CYP51A1: variants seen among roughly 807,000 people sequenced by gnomAD.
CYP51A1 encodes the protein lanosterol 14-alpha demethylase.
In CYP51A1, 45 loss-of-function variants were observed where a neutral mutation model predicts 53.5. The observed-to-expected ratio is 0.84, with a 90% CI of 0.66 to 1.08. The LOEUF is 1.08. Among genes scored for constraint, CYP51A1 ranks in the 50% least tolerant of loss-of-function variants. The pLI is 0.00. For synonymous variants in CYP51A1, 181 were observed against 217.7 expected (o/e 0.83, Z 1.48); for missense variants, 462 against 621.7 (o/e 0.74, Z 2.73).
rs755026542 is a variant in CYP51A1 at position 92,128,894 on chromosome 7, C to T, written c.454G>A (p.Asp152Asn). The T allele has an allele frequency of 8.1e-6, 13 of 1,611,232 alleles. No individual in the cohort carries two copies. Among genetic ancestry groups the T allele is most frequent in the Admixed American group, 5.0e-5 (3 of 59,924 alleles). The change falls in exon 3 of 10, where the codon GAT becomes AAT. Residue 152 changes from aspartate (D) to asparagine (N), a missense_variant. Transcript: ENST00000003100. Reference sequence around the variant, plus strand: ...GTGTCACCTACTGGATTAGGCACATCGTATGCAACTCCCTTCCCAAACACA... The same window carrying T: ...GTGTCACCTACTGGATTAGGCACATTGTATGCAACTCCCTTCCCAAACACA... Reference protein sequence around the residue: ...TPVFGKGVAYDVPNPVFLEQK... With the variant: ...TPVFGKGVAYNVPNPVFLEQK...
chr7:92,129,128 C>A (rs2130955246), intron 2 of CYP51A1, 72 bp from the exon 3 acceptor site: 1 of 952,258 alleles, frequency 1.1e-6, no homozygotes, highest in East Asian at 2.8e-5. Flanking sequence ...TTTTTAAAAT[C>A]ACAAAATAAT....
At chr7:92,134,803 T>G, upstream of CYP51A1, 1 of 170,006 alleles carries the variant, frequency 5.9e-6, no homozygotes, top group Non-Finnish European at 1.3e-5. Context: ...GCGCGCTCTG[T>G]GATTGCACCG....
At chr7:92,127,474 T>C (rs1324315451) in intron 4 of CYP51A1, 31 bp downstream of exon 4, 2 of 1,592,680 alleles carry the variant, frequency 1.3e-6, no homozygotes, top group Non-Finnish European at 1.7e-6. Flanking sequence ...GAAGTAGAAA[T>C]GTTAGGACAA....
chr7:92,134,447 C>A lies in CYP51A1; in HGVS notation c.-83G>T. 11 of 1,399,866 alleles carry A rather than the reference C, an allele frequency of 7.9e-6. No homozygotes were observed. Among genetic ancestry groups the A allele is most frequent in the Non-Finnish European group, 1.0e-5 (11 of 1,048,346 alleles). The allele number at this position is 1,399,866 out of a possible 1,614,324, so 86.7% of individuals were successfully genotyped here. Reference sequence around the variant, plus strand: ...ACGAGAGAAGCTGGCAGATGGTCGTCCACAGGGGGCCTTGCCCCAGGTCTC... The same window carrying A: ...ACGAGAGAAGCTGGCAGATGGTCGTACACAGGGGGCCTTGCCCCAGGTCTC... On this transcript the variant is annotated 5_prime_UTR_variant, in exon 1 of 10. Coordinates refer to ENST00000003100, the MANE Select transcript of CYP51A1 (RefSeq NM_000786.4).
At chr7:92,132,857 T>G (rs1179183794) in intron 1 of CYP51A1, among the ~76,000 whole-genome samples, 1 of 152,130 alleles carries the variant, frequency 6.6e-6, no homozygotes, top group Non-Finnish European at 1.5e-5. Flanking sequence ...ATTACAACAT[T>G]AAGTATCCTG....
Position 92,123,755 on chromosome 7 carries a change from G to C in CYP51A1, c.869C>G (p.Thr290Ser). Residue 290 changes from threonine to serine, a missense_variant, in exon 6 of 10, where the codon ACT (threonine) becomes AGT (serine). Physicochemically the swap from Thr to Ser is moderately conservative, Grantham distance 58 (BLOSUM62 1). Transcript: ENST00000003100. Reference protein sequence around the residue: ...SQEKIDDILQTLLDATYKDGR... With the variant: ...SQEKIDDILQSLLDATYKDGR... The stretch of plus-strand genomic sequence containing the variant: ...TTACTTGTATGTAGCATCTAGTAAA[G>C]TTTGGAGAATGTCATCAATTTTTTC... The C allele has an allele frequency of 6.2e-7, 1 of 1,608,246 alleles. No homozygotes were observed. Among genetic ancestry groups the C allele is most frequent in the Non-Finnish European group, 8.5e-7 (1 of 1,178,240 alleles).
In CYP51A1 at chr7:92,126,433, G is replaced by A. The variant is rs1819802177; in HGVS notation, c.596-6C>T. 6.3e-7 allele frequency: 1 copy of A among 1,582,504 alleles called. No homozygotes were observed. The highest frequency in any genetic ancestry group is 8.5e-7 in the Non-Finnish European group (1 of 1,170,574). On this transcript the variant is annotated splice_region_variant and splice_polypyrimidine_tract_variant and intron_variant, in intron 4 of 9. Coordinates refer to ENST00000003100, the MANE Select transcript of CYP51A1 (RefSeq NM_000786.4). Reference sequence around the variant, plus strand: ...AGAAAGAGCTTCAAACACATCTAGGGAGAAAAAAAAGATTATTCTCATTAC... The same window carrying A: ...AGAAAGAGCTTCAAACACATCTAGGAAGAAAAAAAAGATTATTCTCATTAC...
Position 92,123,714 on chromosome 7 carries a change from G to A in CYP51A1, c.890+20C>T. 6.3e-7 allele frequency: 1 copy of A among 1,579,792 alleles called. No homozygotes were observed. Among genetic ancestry groups the A allele is most frequent in the Non-Finnish European group, 8.6e-7 (1 of 1,168,200 alleles). Reference sequence around the variant, plus strand: ...GTAATTTCCTGCTTCAGCTTAATATGTTATCTGAATAGCTCTTACTTGTAT... The same window carrying A: ...GTAATTTCCTGCTTCAGCTTAATATATTATCTGAATAGCTCTTACTTGTAT... On this transcript the variant is annotated intron_variant, in intron 6 of 9. Coordinates refer to ENST00000003100, the MANE Select transcript of CYP51A1 (RefSeq NM_000786.4).
chr7:92,117,186 T>C lies in CYP51A1; in HGVS notation c.1209A>G (p.Pro403=). The change falls in exon 9 of 10, where the codon CCA becomes CCG. Residue 403 remains proline, a synonymous_variant. Coordinates refer to ENST00000003100, the MANE Select transcript of CYP51A1 (RefSeq NM_000786.4). The part of the protein sequence containing the change: ...PQTVAGYTIP[P]GHQVCVSPTV... Reference sequence around the variant, plus strand: ...TGGGAGAAACACACACCTGATGTCCTGGAGGAATGGTATACCCTGCCACAG... The same window carrying C: ...TGGGAGAAACACACACCTGATGTCCCGGAGGAATGGTATACCCTGCCACAG... The C allele has an allele frequency of 3.1e-6, 5 of 1,613,978 alleles. No individual in the cohort carries two copies. Among genetic ancestry groups the C allele is most frequent in the Non-Finnish European group, 3.4e-6 (4 of 1,179,948 alleles).
At chr7:92,118,289 G>A (rs1471061820) in intron 8 of CYP51A1, among the ~76,000 whole-genome samples, 1 of 152,058 alleles carries the variant, frequency 6.6e-6, no homozygotes, top group Non-Finnish European at 1.5e-5. Flanking sequence ...AAGCAGCTGG[G>A]ACCACAGGCA....
chr7:92,123,640 AG>A, intron 6 of CYP51A1, 93 bp downstream of exon 6: 1 of 1,229,258 alleles, frequency 8.1e-7, no homozygotes, highest in Non-Finnish European at 1.1e-6. Context: ...TTATTTTGCC[AG>A]CATCACTGTT....
chr7:92,122,714 T>TTAC (rs906366631), intron 7 of CYP51A1, among the ~76,000 whole-genome samples: 8 of 152,094 alleles, frequency 5.3e-5, no homozygotes, highest in Non-Finnish European at 8.8e-5. Context: ...CTTGTCCTCA[T>TTAC]TACTACTACT....
In CYP51A1 at chr7:92,113,679, G is replaced by A. The variant is rs1371070288; in HGVS notation, c.1516C>T (p.Arg506Ter). ...TGCAACCTTTTTCATTTTGATCTTC[G>A]TTTGTAACGGATAACTGGGTTTTCA... ...TPENPVIRYK[R>*]RSK The change falls in exon 10 of 10, where the codon CGA becomes TGA. Residue 506 changes from arginine to a stop codon, truncating the protein, a stop_gained. Transcript: ENST00000003100. LOFTEE classifies it high-confidence loss of function. 4 of 1,610,824 alleles carry A rather than the reference G, an allele frequency of 2.5e-6. No individual in the cohort carries two copies. The highest frequency in any genetic ancestry group is 1.3e-5 in the African/African-American group (1 of 74,712).
At position 92,134,197 on chromosome 7, in the gene CYP51A1, G is replaced by T; in HGVS notation, c.168C>A (p.His56Gln). ...LVYLIRLAAGHLVQLPAGVKS... is the reference protein window; with the variant it reads ...LVYLIRLAAGQLVQLPAGVKS... ...CCACCCCTGCGGGCAGCTGGACCAG[G>T]TGGCCGGCGGCCAGACGGATCAGGT... Residue 56 changes from histidine to glutamine, a missense_variant, in exon 1 of 10, where the codon CAC becomes CAA. Physicochemically the swap from His to Gln is conservative, Grantham distance 24 (BLOSUM62 0). Coordinates refer to ENST00000003100, the MANE Select transcript of CYP51A1 (RefSeq NM_000786.4). 1.2e-6 allele frequency: 2 copies of T among 1,612,420 alleles called. No individual in the cohort carries two copies. Among genetic ancestry groups the T allele is most frequent in the Non-Finnish European group, 1.7e-6 (2 of 1,179,730 alleles).
At chr7:92,118,428 G>T in intron 8 of CYP51A1, 92 bp downstream of exon 8, 1 of 779,712 alleles carries the variant, frequency 1.3e-6, no homozygotes, top group South Asian at 1.4e-5. Flanking sequence ...CCAAAGTGTT[G>T]AGATTACAGG....
In CYP51A1 at chr7:92,112,615, G is replaced by T. The variant is rs996009074; in HGVS notation, c.*1050C>A. On this transcript the variant is annotated 3_prime_UTR_variant, in exon 10 of 10. Transcript: ENST00000003100. ...GAGGCCAAGGCGGGTGGATCACGAG[G>T]TCAGGAGTTCAAGACCAGCCTAGCC... The T allele has an allele frequency of 6.6e-6, 1 of 152,160 alleles. No individual in the cohort carries two copies. The highest frequency in any genetic ancestry group is 2.4e-5 in the African/African-American group (1 of 41,398). The allele number at this position is 152,160 out of a possible 1,614,324, so 9.4% of individuals were successfully genotyped here.
intron 9 of CYP51A1, 102 bp from the exon 10 acceptor site, chr7:92,113,945 G>C (rs1226121682): frequency 3.1e-6 from 2 of 652,732 alleles, no homozygotes; most frequent in Non-Finnish European, 5.1e-6. Context: ...CAAATGTACA[G>C]ATAATATAAT....
Position 92,132,424 on chromosome 7 carries a change from T to C in CYP51A1, c.193-552A>G, listed in dbSNP as rs143223396. Among the ~76,000 whole-genome samples the C allele has an allele frequency of 2.3e-3, 348 of 152,336 alleles. 1 individual carries two copies. The highest frequency in any genetic ancestry group is 7.8e-3 in the African/African-American group (326 of 41,584). On this transcript the variant is annotated intron_variant, in intron 1 of 9. Transcript: ENST00000003100. ...AATGTAAAGGCTATATAAACTGTTA[T>C]TAAACTGTGTTTTTTTATTTGTATT...
In CYP51A1 at chr7:92,116,940, T is replaced by A. The variant is rs746597120; in HGVS notation, c.1351+104A>T. The A allele has an allele frequency of 4.0e-5, 49 of 1,214,368 alleles. No individual in the cohort carries two copies. In the Admixed American group the frequency reaches 1.1e-3, roughly 28 times the overall value. The allele number at this position is 1,214,368 out of a possible 1,614,324, so 75.2% of individuals were successfully genotyped here. On this transcript the variant is annotated intron_variant, in intron 9 of 9. Coordinates refer to ENST00000003100, the MANE Select transcript of CYP51A1 (RefSeq NM_000786.4). ...AAAAAAGTTTGCAAAAATGTCCCTA[T>A]GAGGAAAGGGAGAGATAATTTGTAA... is the stretch of plus-strand genomic sequence containing the variant.
Sources: gnomAD v4.1 joint callset for allele counts (sites outside exome capture counted in the v4.1 genomes callset) on GRCh38, gnomAD v4.1.1 for gene constraint, MANE v1.5 for transcripts, NCBI Gene and HGNC (gene_info 2026-07-23, HGNC 2026-07-21) for gene names.